Variants in TCF4 observed in about 807,000 individuals in gnomAD.
The protein encoded by TCF4 is transcription factor 4.
Under a neutral mutation model 82.1 loss-of-function variants are expected in TCF4, and 3 were observed. The observed-to-expected ratio is 0.04, with a 90% confidence interval of 0.02 to 0.09. TCF4 has a LOEUF of 0.09. TCF4 is among the 10% of genes least tolerant of loss of function. TCF4 has a pLI of 1.00. For synonymous variants in TCF4, 276 were observed against 309.6 expected, an observed-to-expected ratio of 0.89 and a Z score of 1.14; for missense variants, 518 against 852.7, an observed-to-expected ratio of 0.61 and a Z score of 4.89.
intron 8 of TCF4, among the ~76,000 whole-genome samples, chr18:55,291,555 C>T (rs2065102464): frequency 6.6e-6 from 1 of 152,064 alleles, no homozygotes; most frequent in African/African-American, 2.4e-5. Flanking sequence ...ACATATGGCC[C>T]TAACTACTTT....
intron 5 of TCF4, among the ~76,000 whole-genome samples, chr18:55,409,944 A>G (rs1315937193): frequency 6.6e-6 from 1 of 152,172 alleles, no homozygotes; most frequent in Non-Finnish European, 1.5e-5. Flanking sequence ...GTTCTCTCCT[A>G]CAGAATCTTA....
At chr18:55,358,739 T>C (rs1445597488) in intron 6 of TCF4, among the ~76,000 whole-genome samples, 1 of 152,206 alleles carries the variant, frequency 6.6e-6, no homozygotes, top group Admixed American at 6.5e-5. Flanking sequence ...TATCCTAAAA[T>C]TTACTTCATA....
chr18:55,249,480 C>G (rs774262346), intron 15 of TCF4, among the ~76,000 whole-genome samples: 27 of 152,238 alleles, frequency 1.8e-4, no homozygotes, highest in Non-Finnish European at 3.1e-4. Context: ...ACATGACTCC[C>G]CCATCCCTAA....
intron 5 of TCF4, among the ~76,000 whole-genome samples, chr18:55,444,605 A>G (rs887635490): frequency 2.0e-5 from 3 of 152,224 alleles, no homozygotes; most frequent in African/African-American, 7.2e-5. Flanking sequence ...TACAGAATTG[A>G]GAACTTTCTA....
chr18:55,232,820 A>G, intron 16 of TCF4, 149 bp from the exon 17 acceptor site: 2 of 1,000,444 alleles, frequency 2.0e-6, no homozygotes, highest in South Asian at 2.9e-5. Context: ...GAAGTTTCAA[A>G]AAATGCACCT....
chr18:55,234,716 A>G, intron 15 of TCF4, 33 bp from the exon 16 acceptor site: 1 of 1,613,682 alleles, frequency 6.2e-7, no homozygotes, highest in Non-Finnish European at 8.5e-7. Context: ...AGAGGTGAGC[A>G]GGAACCGGAG....
At chr18:55,409,732 A>G (rs2094262745) in intron 5 of TCF4, among the ~76,000 whole-genome samples, 1 of 152,184 alleles carries the variant, frequency 6.6e-6, no homozygotes, top group African/African-American at 2.4e-5. Flanking sequence ...TGATATGAAA[A>G]CATTTTGACT....
At chr18:55,394,863 T>G (rs1217960829) in intron 6 of TCF4, among the ~76,000 whole-genome samples, 1 of 152,186 alleles carries the variant, frequency 6.6e-6, no homozygotes, top group African/African-American at 2.4e-5. Flanking sequence ...CGCACACAAT[T>G]TTTCAAAGAA....
chr18:55,307,201 T>G (rs936130339), intron 8 of TCF4, among the ~76,000 whole-genome samples: 8 of 152,208 alleles, frequency 5.3e-5, no homozygotes, highest in Admixed American at 2.6e-4. Flanking sequence ...AACATCAAGA[T>G]GTAAGATATA....
intron 3 of TCF4, among the ~76,000 whole-genome samples, chr18:55,496,571 C>A (rs533609087): frequency 6.6e-6 from 1 of 152,050 alleles, no homozygotes; most frequent in African/African-American, 2.4e-5. Context: ...CAATTCTCAG[C>A]TTTTTTGAAG....
Position 55,275,664 on chromosome 18 carries a change from A to G in TCF4, c.744T>C (p.Ile248=), listed in dbSNP as rs1601098963. 1 of 1,613,886 alleles carries G rather than the reference A, an allele frequency of 6.2e-7. No individual in the cohort carries two copies. The highest frequency in any genetic ancestry group is 1.1e-5 in the South Asian group (1 of 91,078). The change falls in exon 10 of 20, where the codon ATT becomes ATC. Residue 248 remains isoleucine, a synonymous_variant. Transcript: ENST00000354452. ...YAGMLGNSSH[I]PQSSSYCSLH... is the part of the protein sequence containing the mutation. ...GGCTACAGTAGCTGCTGGACTGTGG[A>G]ATATGAGAAGAGTTGCCCAACATTC...
chr18:55,429,173 G>C (rs562914297), intron 5 of TCF4, among the ~76,000 whole-genome samples: 33 of 152,236 alleles, frequency 2.2e-4, no homozygotes, highest in Non-Finnish European at 3.8e-4. Context: ...GCCTTAGCAG[G>C]GTTGTCTAAA....
intron 2 of TCF4, among the ~76,000 whole-genome samples, chr18:55,594,471 A>G (rs1161564261): frequency 3.9e-5 from 6 of 152,208 alleles, no homozygotes; most frequent in Non-Finnish European, 7.3e-5. Flanking sequence ...TTCAATAACT[A>G]TATGTTAAAT....
At chr18:55,286,911 A>G (rs1396746184) in intron 8 of TCF4, among the ~76,000 whole-genome samples, 1 of 152,214 alleles carries the variant, frequency 6.6e-6, no homozygotes, top group Non-Finnish European at 1.5e-5. Flanking sequence ...GGTATTTCTT[A>G]TAAGTGGAAA....
chr18:55,536,567 T>TA (rs1195158416), intron 3 of TCF4, among the ~76,000 whole-genome samples: 1 of 152,160 alleles, frequency 6.6e-6, no homozygotes, highest in African/African-American at 2.4e-5. Context: ...TATCGGAAGA[T>TA]AAAAAATGTA....
At chr18:55,380,058 TTC>T (rs917407944) in intron 6 of TCF4, among the ~76,000 whole-genome samples, 1 of 152,108 alleles carries the variant, frequency 6.6e-6, no homozygotes, top group African/African-American at 2.4e-5. Context: ...TTTTCTTTTT[TTC>T]AGTAGAGACA....
chr18:55,448,950 T>C (rs1195326808), intron 5 of TCF4, among the ~76,000 whole-genome samples: 1 of 152,230 alleles, frequency 6.6e-6, no homozygotes, highest in African/African-American at 2.4e-5. Context: ...GCAGCTTCTT[T>C]TATTCTCAAT....
At chr18:55,470,293 T>C (rs546072254) in intron 3 of TCF4, among the ~76,000 whole-genome samples, 42 of 152,326 alleles carry the variant, frequency 2.8e-4, no homozygotes, top group African/African-American at 9.6e-4. Context: ...ATCTGAGCCT[T>C]ACATTTTTAT....
intron 8 of TCF4, chr18:55,321,650 C>T: frequency 2.0e-6 from 3 of 1,536,132 alleles, no homozygotes; most frequent in Non-Finnish European, 2.6e-6. Flanking sequence ...AAATCCCCCT[C>T]GCAGCCCGCA....
Sources: gnomAD v4.1 joint callset for allele counts (sites outside exome capture counted in the v4.1 genomes callset) on GRCh38, gnomAD v4.1.1 for gene constraint, MANE v1.5 for transcripts, NCBI Gene and HGNC (gene_info 2026-07-23, HGNC 2026-07-21) for gene names.